LINGO2: variants seen among roughly 807,000 people sequenced by gnomAD.
LINGO2 encodes the protein leucine rich repeat and Ig domain containing 2, also known as leucine-rich repeat and immunoglobulin-like domain-containing nogo receptor-interacting protein 2.
A neutral mutation model predicts 30.6 loss-of-function variants in LINGO2; 14 were observed. The observed-to-expected ratio is 0.46, with a 90% CI of 0.30 to 0.72. The LOEUF (loss-of-function observed/expected upper bound fraction) is 0.72, where lower values mean the gene tolerates loss of function less well. Ranked by LOEUF, LINGO2 falls within the 30% of genes least tolerant of loss-of-function variation. The pLI is 0.07. For synonymous variants in LINGO2, 317 were observed against 288.5 expected (o/e 1.10, Z -1.00); for missense variants, 729 against 751.7 (o/e 0.97, Z 0.35).
chr9:28,196,531 A>C (rs1820019395), intron 4 of LINGO2, among the ~76,000 whole-genome samples: 1 of 151,940 alleles, frequency 6.6e-6, no homozygotes, highest in Non-Finnish European at 1.5e-5. Flanking sequence ...TATCTCAGAA[A>C]AAGCTTGACA....
At chr9:28,990,907 G>C in the LINGO2 span, among the ~76,000 whole-genome samples, 1 of 152,136 alleles carries the variant, frequency 6.6e-6, no homozygotes, top group African/African-American at 2.4e-5. Flanking sequence ...AAACCACAAA[G>C]ATGGGGAAAA....
chr9:28,411,451 T>A (rs1259621776), intron 2 of LINGO2, among the ~76,000 whole-genome samples: 1 of 152,070 alleles, frequency 6.6e-6, no homozygotes, highest in African/African-American at 2.4e-5. Context: ...CCACCATCCA[T>A]CTCCAGAATT....
the LINGO2 span, among the ~76,000 whole-genome samples, chr9:29,124,817 A>T: frequency 4.6e-5 from 7 of 152,040 alleles, no homozygotes; most frequent in Non-Finnish European, 8.8e-5. Context: ...TTTTTGGGAG[A>T]GTAAATTAGT....
chr9:28,303,117 C>A (rs900720214), intron 3 of LINGO2, among the ~76,000 whole-genome samples: 2 of 152,196 alleles, frequency 1.3e-5, no homozygotes, highest in Admixed American at 6.5e-5. Flanking sequence ...CCCCTAAACA[C>A]TATATTCCAC....
At chr9:28,524,557 A>G (rs1288746761) in intron 1 of LINGO2, among the ~76,000 whole-genome samples, 2 of 152,172 alleles carry the variant, frequency 1.3e-5, no homozygotes, top group Non-Finnish European at 2.9e-5. Flanking sequence ...GTTCAAGACC[A>G]GTCTGGCCAA....
At chr9:28,085,051 T>A (rs1407279215) in intron 4 of LINGO2, among the ~76,000 whole-genome samples, 1 of 152,142 alleles carries the variant, frequency 6.6e-6, no homozygotes, top group Admixed American at 6.6e-5. Context: ...CAATGAAGCA[T>A]TATTGACCCA....
At chr9:28,430,113 T>C (rs138013146) in intron 2 of LINGO2, among the ~76,000 whole-genome samples, 2 of 41,012 alleles carry the variant, frequency 4.9e-5, no homozygotes, top group African/African-American at 1.2e-4. Flanking sequence ...CGCGCGCGTG[T>C]GTGTGTGTGT....
chr9:28,109,413 T>A (rs1420344821), intron 4 of LINGO2, among the ~76,000 whole-genome samples: 12 of 151,988 alleles, frequency 7.9e-5, no homozygotes. Context: ...GGCAATAGAA[T>A]GAAATAATGG....
intron 1 of LINGO2, among the ~76,000 whole-genome samples, chr9:28,603,417 A>T (rs1041974313): frequency 6.6e-6 from 1 of 152,050 alleles, no homozygotes; most frequent in Non-Finnish European, 1.5e-5. Context: ...CAAGAAATAG[A>T]CAAACATGAA....
chr9:28,594,368 T>A (rs1298552245), intron 1 of LINGO2, among the ~76,000 whole-genome samples: 1 of 152,106 alleles, frequency 6.6e-6, no homozygotes, highest in African/African-American at 2.4e-5. Flanking sequence ...GCCTTCAAAA[T>A]TATCAACGTG....
At chr9:28,597,010 G>T (rs62560670) in intron 1 of LINGO2, among the ~76,000 whole-genome samples, 4 of 152,146 alleles carry the variant, frequency 2.6e-5, no homozygotes, top group Non-Finnish European at 5.9e-5. Flanking sequence ...AGATGCAAAG[G>T]TATCTATCAA....
chr9:29,048,336 G>A, the LINGO2 span, among the ~76,000 whole-genome samples: 9 of 151,066 alleles, frequency 6.0e-5, no homozygotes, highest in East Asian at 1.8e-3. Context: ...AAAGAAAAAA[G>A]GAAAAATATT....
the LINGO2 span, among the ~76,000 whole-genome samples, chr9:29,013,127 G>T: frequency 6.6e-6 from 1 of 152,122 alleles, no homozygotes; most frequent in Non-Finnish European, 1.5e-5. Flanking sequence ...GACTGTAATC[G>T]TTCTCTTAAT....
chr9:28,634,681 C>A (rs1827173548), intron 1 of LINGO2, among the ~76,000 whole-genome samples: 1 of 151,684 alleles, frequency 6.6e-6, no homozygotes, highest in South Asian at 2.1e-4. Flanking sequence ...AAACGGGGTT[C>A]CATCATTTTG....
At chr9:29,009,994 T>C in the LINGO2 span, among the ~76,000 whole-genome samples, 6,233 of 152,210 alleles carry the variant, frequency 0.041, 194 homozygotes, top group Admixed American at 0.081. Context: ...AAGCTGAAAC[T>C]GGATGCCTTC....
the LINGO2 span, among the ~76,000 whole-genome samples, chr9:28,948,686 C>A: frequency 6.6e-6 from 1 of 152,014 alleles, no homozygotes; most frequent in Non-Finnish European, 1.5e-5. Context: ...TACAATAAAT[C>A]TTCTACAAAA....
At chr9:28,098,073 G>A (rs930680838) in intron 4 of LINGO2, among the ~76,000 whole-genome samples, 1 of 152,136 alleles carries the variant, frequency 6.6e-6, no homozygotes, top group Non-Finnish European at 1.5e-5. Context: ...GGGAGGCCGT[G>A]GAGAGTGCAT....
chr9:28,931,980 C>A, the LINGO2 span, among the ~76,000 whole-genome samples: 1 of 151,648 alleles, frequency 6.6e-6, no homozygotes, highest in Non-Finnish European at 1.5e-5. Flanking sequence ...TGGTGGCACG[C>A]ACCTGTAGTC....
chr9:28,239,302 C>T (rs1407320283), intron 4 of LINGO2, among the ~76,000 whole-genome samples: 1 of 151,938 alleles, frequency 6.6e-6, no homozygotes, highest in African/African-American at 2.4e-5. Flanking sequence ...CATTATTGTC[C>T]TGATACCAAA....
Sources: gnomAD v4.1 joint callset for allele counts (sites outside exome capture counted in the v4.1 genomes callset) on GRCh38, gnomAD v4.1.1 for gene constraint, MANE v1.5 for transcripts, NCBI Gene and HGNC (gene_info 2026-07-23, HGNC 2026-07-21) for gene names.